Variants in SMARCC1 observed in about 807,000 individuals in gnomAD.
SMARCC1 encodes SWI/SNF related BAF chromatin remodeling complex subunit C1.
In SMARCC1, 43 loss-of-function variants were observed where a neutral mutation model predicts 147.4. The ratio of observed to expected loss-of-function variants is 0.29; its 90% confidence interval spans 0.23 to 0.38. The LOEUF is 0.38. Among genes scored for constraint, SMARCC1 ranks in the 10% least tolerant of loss-of-function variants. The pLI is 1.00. For synonymous variants in SMARCC1, 495 were observed against 484.4 expected, an observed-to-expected ratio of 1.02 and a Z score of -0.29; for missense variants, 1,119 against 1,381.1, an observed-to-expected ratio of 0.81 and a Z score of 3.01.
chr3:47,765,622 T>C (rs1249569966), intron 2 of SMARCC1, among the ~76,000 whole-genome samples: 1 of 152,176 alleles, frequency 6.6e-6, no homozygotes, highest in East Asian at 1.9e-4. Flanking sequence ...TACGGTCTCC[T>C]TCCTAGTCCC....
At position 47,749,918 on chromosome 3, in the gene SMARCC1, T is replaced by C. The variant is rs568718962; in HGVS notation, c.316-3925A>G. ...TAACATGGTGAAACCCCGTCTCTAC[T>C]AAAAATACAAAAACTTAGCCGGGCG... On this transcript the variant is annotated intron_variant, in intron 2 of 27. Coordinates refer to ENST00000254480, the MANE Select transcript of SMARCC1 (RefSeq NM_003074.4). Among the ~76,000 whole-genome samples, 3 of 150,722 alleles carry C rather than the reference T, an allele frequency of 2.0e-5. No individual in the cohort carries two copies. The East Asian group carries it at 5.9e-4, about 30-fold the overall frequency.
At chr3:47,659,839 T>C (rs1449566789) in intron 21 of SMARCC1, among the ~76,000 whole-genome samples, 1 of 146,502 alleles carries the variant, frequency 6.8e-6, no homozygotes, top group Non-Finnish European at 1.5e-5. Context: ...ATATTCAAGA[T>C]GATTAGTCAT....
intron 7 of SMARCC1, among the ~76,000 whole-genome samples, chr3:47,716,057 T>C (rs1320885801): frequency 6.6e-6 from 1 of 151,366 alleles, no homozygotes; most frequent in Non-Finnish European, 1.5e-5. Flanking sequence ...TGAAACCAAA[T>C]GACATCTAGT....
At chr3:47,628,205 A>C (rs2032840213) in intron 24 of SMARCC1, among the ~76,000 whole-genome samples, 1 of 152,296 alleles carries the variant, frequency 6.6e-6, no homozygotes, top group South Asian at 2.1e-4. Context: ...TACTTGTCCC[A>C]CAATTTCCTA....
intron 11 of SMARCC1, among the ~76,000 whole-genome samples, chr3:47,694,112 T>C (rs2033821015): frequency 6.6e-6 from 1 of 152,200 alleles, no homozygotes; most frequent in African/African-American, 2.4e-5. Context: ...ATTTCTTTCA[T>C]TTTTACAAGT....
chr3:47,737,732 T>G (rs1226831666), intron 4 of SMARCC1, among the ~76,000 whole-genome samples: 1 of 152,150 alleles, frequency 6.6e-6, no homozygotes, highest in South Asian at 2.1e-4. Flanking sequence ...CTCGGCTCAC[T>G]GCAAGCTCCG....
At chr3:47,732,892 G>A (rs372194922) in intron 5 of SMARCC1, among the ~76,000 whole-genome samples, 4 of 150,748 alleles carry the variant, frequency 2.7e-5, no homozygotes, top group South Asian at 2.1e-4. Context: ...GGTGGATCAC[G>A]AGGTCAGGAG....
Position 47,627,797 on chromosome 3 carries a change from G to A in SMARCC1, c.2647-5456C>T, listed in dbSNP as rs898165892. Among the ~76,000 whole-genome samples the A allele has an allele frequency of 7.2e-5, 11 of 152,008 alleles. No individual in the cohort carries two copies. The East Asian group carries it at 1.7e-3, about 24-fold the overall frequency. On this transcript the variant is annotated intron_variant, in intron 24 of 27. Coordinates refer to ENST00000254480, the MANE Select transcript of SMARCC1 (RefSeq NM_003074.4). ...GTGCACCAGTGAGATCACAGCTCAC[G>A]GTAACCTCAAACTCCTCAGCTCAAG...
rs1407138374 is a variant in SMARCC1, at chr3:47,781,846, T to C, written c.-49A>G. Reference sequence around the variant, plus strand: ...GCCTGGCCCACCCCGGCCCTCGCGGTGTTTCCCGGTCGTTCCCGCGCGCAC... The same window carrying C: ...GCCTGGCCCACCCCGGCCCTCGCGGCGTTTCCCGGTCGTTCCCGCGCGCAC... On this transcript the variant is annotated 5_prime_UTR_variant, in exon 1 of 28. Coordinates refer to ENST00000254480, the MANE Select transcript of SMARCC1 (RefSeq NM_003074.4). 9.7e-6 allele frequency: 12 copies of C among 1,242,708 alleles called. No homozygotes were observed. Among genetic ancestry groups the C allele is most frequent in the Non-Finnish European group, 1.2e-5 (12 of 978,846 alleles). 77.0% of individuals were successfully genotyped at this position (1,242,708 alleles called of 1,614,324 possible). A position where few individuals can be genotyped will look rare whatever the true frequency, so the allele number is the denominator to read the frequency against.
chr3:47,718,622 GGAT>G (rs1236307050), intron 7 of SMARCC1, among the ~76,000 whole-genome samples: 1 of 151,738 alleles, frequency 6.6e-6, no homozygotes, highest in Non-Finnish European at 1.5e-5. Context: ...TATACTGCTC[GGAT>G]GATGGGTGCA....
At chr3:47,749,564 G>A (rs1322613425) in intron 2 of SMARCC1, among the ~76,000 whole-genome samples, 3 of 151,810 alleles carry the variant, frequency 2.0e-5, no homozygotes, top group East Asian at 3.9e-4. Flanking sequence ...CAACTCAGGA[G>A]GCTGAGGTAA....
chr3:47,770,370 CA>C (rs1348990095), intron 2 of SMARCC1, among the ~76,000 whole-genome samples: 1 of 152,090 alleles, frequency 6.6e-6, no homozygotes, highest in Non-Finnish European at 1.5e-5. Flanking sequence ...CCTATAATCC[CA>C]GCACTTTGGG....
chr3:47,648,773 C>A (rs2033150978), intron 21 of SMARCC1, among the ~76,000 whole-genome samples: 1 of 152,078 alleles, frequency 6.6e-6, no homozygotes, highest in Non-Finnish European at 1.5e-5. Context: ...CTATTGCCAA[C>A]CCACCAAATG....
chr3:47,639,047 A>G (rs975136513), intron 21 of SMARCC1, among the ~76,000 whole-genome samples: 2 of 152,194 alleles, frequency 1.3e-5, no homozygotes, highest in Admixed American at 6.5e-5. Flanking sequence ...AGCAGATTCA[A>G]TTGGGAAAGG....
rs915291612 is a variant in SMARCC1 at position 47,620,481 on chromosome 3, A to T, written c.2781+1726T>A. Among the ~76,000 whole-genome samples the T allele has an allele frequency of 1.0e-3, 158 of 151,636 alleles. 1 individual carries two copies. Among genetic ancestry groups the T allele is most frequent in the Non-Finnish European group, 1.2e-3 (82 of 67,904 alleles). On this transcript the variant is annotated intron_variant, in intron 25 of 27. Transcript: ENST00000254480. Reference sequence around the variant, plus strand: ...CCGTTTTCAGGAAAAAAAAAAAAAAATTTGTTTTTGTTTTTTTTCCACTAA... The same window carrying T: ...CCGTTTTCAGGAAAAAAAAAAAAAATTTTGTTTTTGTTTTTTTTCCACTAA...
intron 21 of SMARCC1, among the ~76,000 whole-genome samples, chr3:47,646,010 G>A (rs1250372026): frequency 6.6e-6 from 1 of 152,084 alleles, no homozygotes; most frequent in Admixed American, 6.6e-5. Context: ...GACTTTTAAG[G>A]TGATGTCTGT....
chr3:47,779,698 T>C (rs1251988475), intron 1 of SMARCC1, among the ~76,000 whole-genome samples: 1 of 152,206 alleles, frequency 6.6e-6, no homozygotes, highest in East Asian at 1.9e-4. Context: ...TAAAGCTTCT[T>C]GTAGTTGATC....
chr3:47,600,997 A>AGGAGAGAGAGAGAGAG (rs1559622849), intron 26 of SMARCC1, among the ~76,000 whole-genome samples: 4 of 28,882 alleles, frequency 1.4e-4, no homozygotes, highest in African/African-American at 3.0e-4. Flanking sequence ...GAGGAAGAAA[A>AGGAGAGAGAGAGAGAG]TGAGAGAGAG....
In SMARCC1 at chr3:47,720,708, T is replaced by C. The variant is rs2034222452; in HGVS notation, c.674A>G (p.Lys225Arg). 6.2e-7 allele frequency: 1 copy of C among 1,612,974 alleles called. No homozygotes were observed. Among genetic ancestry groups the C allele is most frequent in the Non-Finnish European group, 8.5e-7 (1 of 1,179,194 alleles). The stretch of plus-strand genomic sequence containing the variant: ...CCAATGCACTAACACTTGCTTCTCT[T>C]TTCTCATCACCGGTCTCAACCATTC... The part of the protein sequence containing the change: ...DEEWLRPVMR[K>R]EKQVLVHWGF... Residue 225 changes from lysine to arginine, a missense_variant, in exon 7 of 28, where the codon AAA (lysine) becomes AGA (arginine). Physicochemically the swap from Lys to Arg is conservative, Grantham distance 26. This residue lies in a region of SMARCC1 where 542 missense variants were observed against 611.8 expected (regional missense o/e 0.89). Coordinates refer to ENST00000254480, the MANE Select transcript of SMARCC1 (RefSeq NM_003074.4).
Sources: allele counts gnomAD v4.1 joint callset (sites outside exome capture counted in the v4.1 genomes callset), GRCh38; gene constraint gnomAD v4.1.1; regional missense constraint gnomAD v4.1.1; transcripts MANE v1.5; gene names NCBI Gene and HGNC (gene_info 2026-07-23, HGNC 2026-07-21).